Variants in ZNF678 observed in about 807,000 individuals in gnomAD.
The protein encoded by ZNF678 is zinc finger protein 678, also known as hypothetical protein MGC42493.
In ZNF678, 5 loss-of-function variants were observed where a neutral mutation model predicts 3.0. The ratio of observed to expected loss-of-function variants is 1.69; its 90% CI spans 0.88 to 3.56. The LOEUF (loss-of-function observed/expected upper bound fraction) is 3.56, where lower values mean the gene tolerates loss of function less well. Among genes scored for constraint, ZNF678 ranks in the 30% most tolerant of loss-of-function variants. The pLI, the probability that ZNF678 is intolerant of heterozygous loss-of-function variation, is 0.00. For synonymous variants in ZNF678, 218 were observed against 199.6 expected (o/e 1.09, Z -0.78); for missense variants, 593 against 605.0 (o/e 0.98, Z 0.21).
chr1:227,594,371 A>AT (rs1161716473), intron 1 of ZNF678, among the ~76,000 whole-genome samples: 1 of 152,138 alleles, frequency 6.6e-6, no homozygotes, highest in Non-Finnish European at 1.5e-5. Context: ...ATAAGGTAAG[A>AT]TTTTATGGAC....
intron 5 of ZNF678, among the ~76,000 whole-genome samples, chr1:227,676,504 T>G (rs1659681793): frequency 6.6e-6 from 1 of 152,144 alleles, no homozygotes; most frequent in African/African-American, 2.4e-5. Flanking sequence ...TTTTTTTTAT[T>G]TCTTACTATA....
chr1:227,665,538 A>C (rs1241273854), downstream of ZNF678, among the ~76,000 whole-genome samples: 3 of 152,196 alleles, frequency 2.0e-5, no homozygotes, highest in Non-Finnish European at 4.4e-5. Flanking sequence ...CGGAGGCTTA[A>C]GGTTGTACAC....
chr1:227,595,759 AAGT>A (rs1657567728), intron 1 of ZNF678, among the ~76,000 whole-genome samples: 1 of 152,184 alleles, frequency 6.6e-6, no homozygotes, highest in African/African-American at 2.4e-5. Flanking sequence ...ACCAAAACCA[AAGT>A]ATCAAACAAT....
chr1:227,607,777 A>T (rs915887468), intron 1 of ZNF678, among the ~76,000 whole-genome samples: 1 of 146,054 alleles, frequency 6.8e-6, no homozygotes, highest in South Asian at 2.1e-4. Context: ...TTGTATATGT[A>T]TTAATTTATA....
chr1:227,598,544 CT>C, intron 1 of ZNF678: 2 of 1,035,546 alleles, frequency 1.9e-6, no homozygotes, highest in Non-Finnish European at 2.8e-6. Context: ...TGCTTTTCTT[CT>C]TTTTTGCTCG....
At chr1:227,563,929 C>T (rs1656600988) in intron 1 of ZNF678, among the ~76,000 whole-genome samples, 1 of 152,226 alleles carries the variant, frequency 6.6e-6, no homozygotes, top group African/African-American at 2.4e-5. Flanking sequence ...AAGCCGCAGC[C>T]CCGCGGGTCC....
chr1:227,671,267 A>G (rs1241339442), intron 5 of ZNF678, among the ~76,000 whole-genome samples: 2 of 151,836 alleles, frequency 1.3e-5, no homozygotes, highest in Non-Finnish European at 1.5e-5. Context: ...AATTGTAGAG[A>G]CAGGACCTTG....
intron 1 of ZNF678, among the ~76,000 whole-genome samples, chr1:227,590,639 T>G (rs1156351241): frequency 6.6e-6 from 1 of 151,842 alleles, no homozygotes; most frequent in African/African-American, 2.4e-5. Flanking sequence ...GGAGTTCGCC[T>G]GTTTTTATGG....
chr1:227,603,308 TTC>T, intron 1 of ZNF678, among the ~76,000 whole-genome samples: 1 of 152,208 alleles, frequency 6.6e-6, no homozygotes, highest in African/African-American at 2.4e-5. Flanking sequence ...TTTTGCTACT[TTC>T]TGTTGCCAGG....
downstream of ZNF678, among the ~76,000 whole-genome samples, chr1:227,678,826 G>A (rs1471340723): frequency 6.6e-6 from 1 of 152,116 alleles, no homozygotes; most frequent in Non-Finnish European, 1.5e-5. Flanking sequence ...AATAGCTGCT[G>A]GGTTTTAGGA....
At chr1:227,575,584 CG>C in intron 1 of ZNF678, among the ~76,000 whole-genome samples, 1 of 152,110 alleles carries the variant, frequency 6.6e-6, no homozygotes, top group East Asian at 1.9e-4. Context: ...TATATTCACA[CG>C]TTGATTTTGT....
intron 1 of ZNF678, among the ~76,000 whole-genome samples, chr1:227,626,901 G>A (rs973472294): frequency 1.3e-5 from 2 of 151,702 alleles, no homozygotes; most frequent in Admixed American, 6.6e-5. Flanking sequence ...ATTATTTCAT[G>A]AATTAGTGCC....
intron 3 of ZNF678, among the ~76,000 whole-genome samples, chr1:227,653,953 GT>G (rs538088853): frequency 6.6e-6 from 1 of 151,898 alleles, no homozygotes; most frequent in Non-Finnish European, 1.5e-5. Context: ...GCAATGTATT[GT>G]TTTTTTGTTT....
At chr1:227,590,632 G>A (rs1657388441) in intron 1 of ZNF678, among the ~76,000 whole-genome samples, 1 of 151,734 alleles carries the variant, frequency 6.6e-6, no homozygotes, top group Non-Finnish European at 1.5e-5. Context: ...AAGCCCAGGA[G>A]TTCGCCTGTT....
chr1:227,594,800 G>A (rs922122510), intron 1 of ZNF678, among the ~76,000 whole-genome samples: 2 of 152,102 alleles, frequency 1.3e-5, no homozygotes, highest in South Asian at 2.1e-4. Flanking sequence ...TTTATTTCAG[G>A]ACAAGAGTTT....
intron 5 of ZNF678, among the ~76,000 whole-genome samples, chr1:227,672,762 G>A (rs563855690): frequency 3.3e-5 from 5 of 152,074 alleles, no homozygotes; most frequent in Non-Finnish European, 7.4e-5. Flanking sequence ...TACCTCACAG[G>A]ACTAGCTTTT....
chr1:227,566,058 GCTC>G (rs1182466112), intron 1 of ZNF678, among the ~76,000 whole-genome samples: 1 of 152,034 alleles, frequency 6.6e-6, no homozygotes. Flanking sequence ...ACCGCGCCCG[GCTC>G]CTCAGCCACT....
intron 1 of ZNF678, among the ~76,000 whole-genome samples, chr1:227,616,057 A>T (rs548701338): frequency 2.2e-4 from 34 of 152,220 alleles, no homozygotes; most frequent in Non-Finnish European, 4.1e-4. Flanking sequence ...CTTCTAGAGG[A>T]TACTCTCATA....
At chr1:227,672,300 GAGTT>G (rs1164371324) in intron 5 of ZNF678, among the ~76,000 whole-genome samples, 1 of 152,130 alleles carries the variant, frequency 6.6e-6, no homozygotes, top group Non-Finnish European at 1.5e-5. Context: ...AGAAATTTCT[GAGTT>G]AGGGGAGTGA....
Sources: gnomAD v4.1 joint callset for allele counts (sites outside exome capture counted in the v4.1 genomes callset) on GRCh38, gnomAD v4.1.1 for gene constraint, MANE v1.5 for transcripts, NCBI Gene and HGNC (gene_info 2026-07-23, HGNC 2026-07-21) for gene names.